Variants in KDM4C observed in about 807,000 individuals in gnomAD.
KDM4C encodes lysine-specific demethylase 4C.
KDM4C carries 81 observed loss-of-function variants against 129.3 expected under a neutral mutation model. The ratio of observed to expected loss-of-function variants is 0.63; its 90% CI spans 0.52 to 0.75. The LOEUF is 0.75. Ranked by LOEUF, KDM4C falls within the 30% of genes least tolerant of loss-of-function variation. The pLI is 0.00. For synonymous variants in KDM4C, 573 were observed against 456.1 expected, an observed-to-expected ratio of 1.26 and a Z score of -3.26; for missense variants, 1,457 against 1,304.0, an observed-to-expected ratio of 1.12 and a Z score of -1.81.
chr9:6,787,899 G>C (rs948101296), intron 1 of KDM4C, among the ~76,000 whole-genome samples: 1 of 152,196 alleles, frequency 6.6e-6, no homozygotes, highest in Non-Finnish European at 1.5e-5. Context: ...AGGAACCCCA[G>C]GATCAGTTCC....
intron 4 of KDM4C, among the ~76,000 whole-genome samples, chr9:6,841,373 A>G (rs1360119041): frequency 6.6e-6 from 1 of 152,184 alleles, no homozygotes; most frequent in Non-Finnish European, 1.5e-5. Context: ...AGGATGGAAT[A>G]TAGAGTGATA....
rs185791141 is a variant in KDM4C, at chr9:6,919,447, C to T, written c.921+26215C>T. ...AAAAAATCTTAATCCCTCTTTCCATCTTACCTGCTATCCCTTTTCTTTGTT... is the reference window on the plus strand; with the variant it reads ...AAAAAATCTTAATCCCTCTTTCCATTTTACCTGCTATCCCTTTTCTTTGTT... On this transcript the variant is annotated intron_variant, in intron 8 of 21. Coordinates refer to ENST00000381309, the MANE Select transcript of KDM4C (RefSeq NM_015061.6). Among the ~76,000 whole-genome samples, 203 of 150,984 alleles carry T rather than the reference C, an allele frequency of 1.3e-3. 1 individual carries two copies. The highest frequency in any genetic ancestry group is 3.4e-3 in the Middle Eastern group (1 of 292).
chr9:6,739,750 A>C (rs1357957787), intron 1 of KDM4C, among the ~76,000 whole-genome samples: 1 of 152,054 alleles, frequency 6.6e-6, no homozygotes, highest in East Asian at 1.9e-4. Context: ...TAATCCCAGC[A>C]CTTTGGGAGA....
At chr9:6,930,871 A>G (rs1426200653) in intron 8 of KDM4C, among the ~76,000 whole-genome samples, 1 of 152,084 alleles carries the variant, frequency 6.6e-6, no homozygotes, top group Non-Finnish European at 1.5e-5. Context: ...CATGAGAAAT[A>G]CCTGGGGAAT....
intron 8 of KDM4C, among the ~76,000 whole-genome samples, chr9:6,963,904 T>C (rs995716804): frequency 1.3e-5 from 2 of 152,220 alleles, no homozygotes; most frequent in Non-Finnish European, 2.9e-5. Flanking sequence ...TAGCTATTCC[T>C]AGATTAACTA....
intron 18 of KDM4C, among the ~76,000 whole-genome samples, chr9:7,117,361 A>G (rs1839016396): frequency 6.6e-6 from 1 of 151,938 alleles, no homozygotes; most frequent in Non-Finnish European, 1.5e-5. Flanking sequence ...CCATTCACCA[A>G]CTGTAATTGA....
intron 8 of KDM4C, among the ~76,000 whole-genome samples, chr9:6,975,281 A>G (rs1832731508): frequency 6.6e-6 from 1 of 152,240 alleles, no homozygotes; most frequent in Non-Finnish European, 1.5e-5. Flanking sequence ...GCATGATATC[A>G]TGCATAGAAA....
chr9:6,758,344 G>A lies in KDM4C; in HGVS notation c.-18+141G>A. ...ACGCTGGGGCAGAGACGCTCCGTCC[G>A]TGACTGCAGCGACTGTCAAGCTGGG... On this transcript the variant is annotated intron_variant, in intron 1 of 21. Transcript: ENST00000381309. The surrounding 1 kb of genome is among the most constrained non-coding windows in gnomAD (Gnocchi z 4.6). 1 of 401,494 alleles carries A rather than the reference G, an allele frequency of 2.5e-6. No individual in the cohort carries two copies. Among genetic ancestry groups the A allele is most frequent in the Non-Finnish European group, 3.4e-6 (1 of 295,714 alleles). The allele number at this position is 401,494 out of a possible 1,614,324, so 24.9% of individuals were successfully genotyped here. A position where few individuals can be genotyped will look rare whatever the true frequency, so the allele number is the denominator to read the frequency against.
chr9:6,991,682 C>G (rs1020228889), intron 12 of KDM4C, among the ~76,000 whole-genome samples: 2 of 142,074 alleles, frequency 1.4e-5, no homozygotes, highest in African/African-American at 2.5e-5. Context: ...AGGTAGATAT[C>G]TTTCACAGAT....
At chr9:6,945,231 A>G (rs1466424540) in intron 8 of KDM4C, among the ~76,000 whole-genome samples, 1 of 152,194 alleles carries the variant, frequency 6.6e-6, no homozygotes, top group Non-Finnish European at 1.5e-5. Flanking sequence ...TTGTTAGTCA[A>G]TTGATCTTAG....
chr9:7,000,223 G>A (rs751623554), intron 12 of KDM4C, among the ~76,000 whole-genome samples: 6 of 152,156 alleles, frequency 3.9e-5, no homozygotes, highest in African/African-American at 7.2e-5. Context: ...TTTTACTGTA[G>A]TATGGTGAAT....
Position 7,117,360 on chromosome 9 carries a change from A to G in KDM4C, c.2611-10706A>G, listed in dbSNP as rs140871452. 2.8e-3 allele frequency among the ~76,000 whole-genome samples: 430 copies of G among 152,236 alleles called. 3 individuals carry two copies. The highest frequency in any genetic ancestry group is 0.01 in the African/African-American group (421 of 41,552). Reference sequence around the variant, plus strand: ...TTTTAGTGTGTTTAACCCATTCACCAACTGTAATTGAGAGTCAGAAATCGT... The same window carrying G: ...TTTTAGTGTGTTTAACCCATTCACCGACTGTAATTGAGAGTCAGAAATCGT... On this transcript the variant is annotated intron_variant, in intron 18 of 21. Coordinates refer to ENST00000381309, the MANE Select transcript of KDM4C (RefSeq NM_015061.6).
chr9:6,853,071 A>C (rs1839148862), intron 5 of KDM4C, among the ~76,000 whole-genome samples: 1 of 151,800 alleles, frequency 6.6e-6, no homozygotes. Context: ...ATCAGCACTT[A>C]ACACACAGGG....
chr9:6,741,892 AC>A (rs1817710678), intron 1 of KDM4C, among the ~76,000 whole-genome samples: 2 of 25,288 alleles, frequency 7.9e-5, no homozygotes, highest in African/African-American at 4.3e-4. Flanking sequence ...AAATGTTGTT[AC>A]ACACACACAC....
chr9:6,958,044 C>T (rs1290542389), intron 8 of KDM4C, among the ~76,000 whole-genome samples: 1 of 150,374 alleles, frequency 6.7e-6, no homozygotes, highest in Admixed American at 6.6e-5. Flanking sequence ...GACATATAAA[C>T]ATTAGTTATA....
Position 6,793,072 on chromosome 9 carries a change from G to A in KDM4C, c.84G>A (p.Glu28=). 1 of 1,614,132 alleles carries A rather than the reference G, an allele frequency of 6.2e-7. No homozygotes were observed. The highest frequency in any genetic ancestry group is 8.5e-7 in the Non-Finnish European group (1 of 1,180,022). ...TFRPSMEEFR[E]FNKYLAYMES... is the part of the protein sequence containing the mutation. ...GACCCTCCATGGAGGAGTTCCGGGA[G>A]TTCAACAAATACCTTGCATACATGG... The change falls in exon 2 of 22, where the codon GAG becomes GAA. Residue 28 remains glutamate, a synonymous_variant. Transcript: ENST00000381309.
At chr9:6,923,538 C>G (rs1821930536) in intron 8 of KDM4C, among the ~76,000 whole-genome samples, 1 of 152,134 alleles carries the variant, frequency 6.6e-6, no homozygotes, top group Non-Finnish European at 1.5e-5. Flanking sequence ...AAGGTGCAAA[C>G]TTTTACTTTC....
chr9:6,869,700 G>A (rs907877312), intron 5 of KDM4C, among the ~76,000 whole-genome samples: 3 of 152,182 alleles, frequency 2.0e-5, no homozygotes, highest in Admixed American at 6.5e-5. Flanking sequence ...CATGTGGGCC[G>A]CCATTCCCTC....
At chr9:7,109,878 C>G (rs1838123744) in intron 18 of KDM4C, among the ~76,000 whole-genome samples, 1 of 152,100 alleles carries the variant, frequency 6.6e-6, no homozygotes, top group Non-Finnish European at 1.5e-5. Flanking sequence ...AAGGGCAGTC[C>G]AGGTAGAGGT....
Sources: gnomAD v4.1 joint callset for allele counts (sites outside exome capture counted in the v4.1 genomes callset) on GRCh38, gnomAD v4.1.1 for gene constraint, Gnocchi (gnomAD v3.1) non-coding constraint, MANE v1.5 for transcripts, NCBI Gene and HGNC (gene_info 2026-07-23, HGNC 2026-07-21) for gene names.